RNFT2: variants seen among roughly 807,000 people sequenced by gnomAD.
The protein encoded by RNFT2 is ring finger protein, transmembrane 2, also known as E3 ubiquitin-protein ligase RNFT2.
A neutral mutation model predicts 53.0 loss-of-function variants in RNFT2; 36 were observed. The observed-to-expected ratio is 0.68, with a 90% CI of 0.52 to 0.90. The LOEUF is 0.90. Among genes scored for constraint, RNFT2 ranks in the 40% least tolerant of loss-of-function variants. The pLI, the probability that RNFT2 is intolerant of heterozygous loss-of-function variation, is 0.00. For synonymous variants in RNFT2, 260 were observed against 253.2 expected (o/e 1.03, Z -0.26); for missense variants, 514 against 585.6 (o/e 0.88, Z 1.26).
chr12:116,852,801 C>A lies in RNFT2; in HGVS notation c.*3353C>A. On this transcript the variant is annotated 3_prime_UTR_variant, in exon 11 of 11. Transcript: ENST00000257575. ...GGGAAGTCACTCAGCCTCCCTGTAG[C>A]CATCTCCAGGGTGACGGAACCCAGT... The A allele has an allele frequency of 2.3e-6, 3 of 1,296,224 alleles. No homozygotes were observed. Among genetic ancestry groups the A allele is most frequent in the Non-Finnish European group, 3.4e-6 (3 of 894,114 alleles). The allele number at this position is 1,296,224 out of a possible 1,614,324, so 80.3% of individuals were successfully genotyped here.
intron 7 of RNFT2, among the ~76,000 whole-genome samples, chr12:116,791,046 G>A (rs931428574): frequency 6.6e-6 from 1 of 152,220 alleles, no homozygotes; most frequent in African/African-American, 2.4e-5. Flanking sequence ...TCACAGTGTT[G>A]TACAACCACC....
intron 7 of RNFT2, among the ~76,000 whole-genome samples, chr12:116,785,894 CA>C (rs371786714): frequency 3.2e-4 from 48 of 150,824 alleles, no homozygotes; most frequent in African/African-American, 1.0e-3. Flanking sequence ...ACAAAAAATA[CA>C]AAAAAAAATT....
In RNFT2 at chr12:116,851,641, AAGG is replaced by A. The variant is rs1414831891; in HGVS notation, c.*2194_*2196del. The A allele has an allele frequency of 1.6e-6, 1 of 619,998 alleles. No homozygotes were observed. The highest frequency in any genetic ancestry group is 2.7e-5 in the Admixed American group (1 of 36,940). 38.4% of individuals were successfully genotyped at this position (619,998 alleles called of 1,614,324 possible). On this transcript the variant is annotated 3_prime_UTR_variant, in exon 11 of 11. Coordinates refer to ENST00000257575, the MANE Select transcript of RNFT2 (RefSeq NM_001382266.1). ...TGTAATCCCAGCTACTCAGGAGGCT[AAGG>A]CAGGGAGAACTGCTTGAACTCGGGA...
At chr12:116,831,784 GC>G (rs140840432) in intron 7 of RNFT2, among the ~76,000 whole-genome samples, 8,571 of 151,852 alleles carry the variant, frequency 0.056, 301 homozygotes, top group South Asian at 0.087. Context: ...ATGAGTTTTG[GC>G]AAACGTGCGC....
intron 6 of RNFT2, 78 bp from the exon 7 acceptor site, chr12:116,779,117 A>C (rs554844733): frequency 4.1e-6 from 6 of 1,455,636 alleles, no homozygotes; most frequent in Non-Finnish European, 5.7e-6. Context: ...GATACTTAGA[A>C]GGCTCCTGAG....
At chr12:116,796,871 G>T (rs7314377) in intron 7 of RNFT2, among the ~76,000 whole-genome samples, 139,223 of 152,296 alleles carry the variant, frequency 0.91, 63,759 homozygotes, top group African/African-American at 0.97. Flanking sequence ...AGCCACACTG[G>T]TTCCAACTAC....
chr12:116,760,312 C>T lies in RNFT2; in HGVS notation c.627+6252C>T, dbSNP rs1305985538. ...AAGAAGAGGGTTTAGTTCGTGCCGC[C>T]GCTGTGGAGTCTGCACACTGGATTT... On this transcript the variant is annotated intron_variant, in intron 5 of 10. Transcript: ENST00000257575. 2.0e-5 allele frequency among the ~76,000 whole-genome samples: 3 copies of T among 152,204 alleles called. No homozygotes were observed. In the East Asian group the frequency reaches 5.8e-4, roughly 29 times the overall value.
In RNFT2 at chr12:116,853,459, A is replaced by T; in HGVS notation, c.*4011A>T. On this transcript the variant is annotated 3_prime_UTR_variant, in exon 11 of 11. Transcript: ENST00000257575. ...GCTTCGGAAGAGAAGAATGATGTGC[A>T]GAGTGTTAGGAAGACATCCGGGCTG... The T allele has an allele frequency of 2.8e-6, 1 of 350,976 alleles. No homozygotes were observed. Among genetic ancestry groups the T allele is most frequent in the Non-Finnish European group, 5.1e-6 (1 of 196,482 alleles). The allele number at this position is 350,976 out of a possible 1,614,324, so 21.7% of individuals were successfully genotyped here. A position where few individuals can be genotyped will look rare whatever the true frequency, so the allele number is the denominator to read the frequency against.
At chr12:116,791,279 C>T (rs1259732715) in intron 7 of RNFT2, among the ~76,000 whole-genome samples, 2 of 152,216 alleles carry the variant, frequency 1.3e-5, no homozygotes, top group Non-Finnish European at 2.9e-5. Context: ...TTTCGAGGTT[C>T]ATCCATGTTG....
intron 7 of RNFT2, among the ~76,000 whole-genome samples, chr12:116,817,437 A>C (rs926020434): frequency 1.3e-5 from 2 of 152,170 alleles, no homozygotes; most frequent in African/African-American, 2.4e-5. Flanking sequence ...GGCATGAGCC[A>C]CTGCACCAGC....
At chr12:116,829,991 C>T (rs779681589) in intron 7 of RNFT2, among the ~76,000 whole-genome samples, 10 of 151,576 alleles carry the variant, frequency 6.6e-5, no homozygotes, top group Non-Finnish European at 1.3e-4. Flanking sequence ...TCTATTATTT[C>T]CATTTGGAAC....
chr12:116,740,448 G>A lies in RNFT2; in HGVS notation c.-50G>A. On this transcript the variant is annotated 5_prime_UTR_variant, in exon 2 of 11. Transcript: ENST00000257575. ...GATCCATTGGTCACATCCCCCTGAG[G>A]ATTCCCGAATGCCTACCTCCAGTGT... is the stretch of plus-strand genomic sequence containing the variant. The A allele has an allele frequency of 6.4e-7, 1 of 1,552,508 alleles. No homozygotes were observed. The highest frequency in any genetic ancestry group is 1.2e-5 in the South Asian group (1 of 84,312).
intron 6 of RNFT2, among the ~76,000 whole-genome samples, chr12:116,768,792 G>A (rs995673695): frequency 4.0e-5 from 6 of 149,562 alleles, no homozygotes; most frequent in African/African-American, 1.2e-4. Context: ...GTGCAGTGGT[G>A]TGATCTCGGC....
chr12:116,754,154 G>C (rs1872385895), intron 5 of RNFT2, 94 bp downstream of exon 5: 2 of 993,134 alleles, frequency 2.0e-6, no homozygotes, highest in Admixed American at 1.7e-5. Flanking sequence ...AGAGTTCATT[G>C]TATCATTCTT....
chr12:116,816,171 CAT>C (rs1424731045), intron 7 of RNFT2, among the ~76,000 whole-genome samples: 1 of 152,188 alleles, frequency 6.6e-6, no homozygotes, highest in East Asian at 1.9e-4. Context: ...TAATCATCAA[CAT>C]CTTATAATTA....
At chr12:116,800,861 A>AAT (rs1555207184) in intron 7 of RNFT2, among the ~76,000 whole-genome samples, 1 of 141,222 alleles carries the variant, frequency 7.1e-6, no homozygotes, top group African/African-American at 2.8e-5. Flanking sequence ...AATAAAATAA[A>AAT]AACCATTTAA....
At chr12:116,839,761 G>A (rs992560643) in intron 10 of RNFT2, among the ~76,000 whole-genome samples, 3 of 118,626 alleles carry the variant, frequency 2.5e-5, no homozygotes, top group African/African-American at 9.6e-5. Flanking sequence ...TGGATAGGTG[G>A]AAGGAAGGAA....
At chr12:116,834,765 A>G (rs1468797601) in intron 8 of RNFT2, among the ~76,000 whole-genome samples, 2 of 151,388 alleles carry the variant, frequency 1.3e-5, no homozygotes, top group Non-Finnish European at 2.9e-5. Context: ...ATCTACCCTA[A>G]TTTCTCACCT....
At chr12:116,749,739 C>A in intron 3 of RNFT2, 102 bp from the exon 4 acceptor site, 1 of 1,046,736 alleles carries the variant, frequency 9.6e-7, no homozygotes, top group South Asian at 1.6e-5. Flanking sequence ...GGACACAGCT[C>A]AACCCATAAC....
Sources: allele counts gnomAD v4.1 joint callset (sites outside exome capture counted in the v4.1 genomes callset), GRCh38; gene constraint gnomAD v4.1.1; transcripts MANE v1.5; gene names NCBI Gene and HGNC (gene_info 2026-07-23, HGNC 2026-07-21).